The following MDGA2 variants were observed in gnomAD, a reference collection of about 807,000 sequenced individuals.
MDGA2 encodes MAM domain containing glycosylphosphatidylinositol anchor 2, also known as MAM domain-containing glycosylphosphatidylinositol anchor protein 2.
Under a neutral mutation model 117.8 loss-of-function variants are expected in MDGA2, and 40 were observed. The observed-to-expected ratio is 0.34, with a 90% CI of 0.26 to 0.44. The LOEUF is 0.44. MDGA2 is among the 20% of genes least tolerant of loss of function. MDGA2 has a pLI of 1.00. For synonymous variants in MDGA2, 452 were observed against 439.0 expected (o/e 1.03, Z -0.37); for missense variants, 1,123 against 1,250.6 (o/e 0.90, Z 1.54).
chr14:46,973,092 A>C (rs1886330180), intron 8 of MDGA2, among the ~76,000 whole-genome samples: 1 of 152,166 alleles, frequency 6.6e-6, no homozygotes, highest in Non-Finnish European at 1.5e-5. Flanking sequence ...TAGAATGCCC[A>C]AAATCTGGAA....
At chr14:47,322,510 C>A (rs905037033) in intron 1 of MDGA2, among the ~76,000 whole-genome samples, 1 of 152,044 alleles carries the variant, frequency 6.6e-6, no homozygotes, top group Non-Finnish European at 1.5e-5. Flanking sequence ...AACAATCTGA[C>A]GAGGAGATAC....
chr14:47,428,705 T>C (rs1290442454), intron 1 of MDGA2, among the ~76,000 whole-genome samples: 1 of 151,998 alleles, frequency 6.6e-6, no homozygotes, highest in Non-Finnish European at 1.5e-5. Flanking sequence ...TCCATACATA[T>C]ATACATATTT....
chr14:47,494,236 A>C lies in MDGA2; in HGVS notation c.280+180281T>G, dbSNP rs1227728432. ...CCAGTCTTGGAAAGATCTTTATAGC[A>C]GCATGAGATCAGACTAATACATTGT... On this transcript the variant is annotated intron_variant, in intron 1 of 16. Coordinates refer to ENST00000399232, the MANE Select transcript of MDGA2 (RefSeq NM_001113498.3). 7.2e-5 allele frequency among the ~76,000 whole-genome samples: 11 copies of C among 152,346 alleles called. No homozygotes were observed. In the South Asian group the frequency reaches 2.1e-3, roughly 29 times the overall value.
chr14:47,232,507 T>C (rs1232962206), intron 2 of MDGA2, among the ~76,000 whole-genome samples: 2 of 152,066 alleles, frequency 1.3e-5, no homozygotes, highest in African/African-American at 4.8e-5. Flanking sequence ...ATGAATTCTA[T>C]TGTCTGCAAT....
chr14:47,020,221 G>A (rs1349485856), intron 8 of MDGA2, among the ~76,000 whole-genome samples: 4 of 152,076 alleles, frequency 2.6e-5, no homozygotes, highest in African/African-American at 9.7e-5. Flanking sequence ...CTATGGATGA[G>A]CTAATTAAAA....
intron 1 of MDGA2, among the ~76,000 whole-genome samples, chr14:47,586,380 T>C (rs2138850113): frequency 6.6e-6 from 1 of 152,016 alleles, no homozygotes; most frequent in Non-Finnish European, 1.5e-5. Flanking sequence ...TCTAAAACTT[T>C]TTTTATTCAG....
At chr14:47,153,818 G>T (rs1269164122) in intron 3 of MDGA2, among the ~76,000 whole-genome samples, 1 of 151,964 alleles carries the variant, frequency 6.6e-6, no homozygotes, top group Non-Finnish European at 1.5e-5. Flanking sequence ...AAATAAAATA[G>T]CACTTCCACA....
intron 1 of MDGA2, among the ~76,000 whole-genome samples, chr14:47,508,759 A>C (rs549806754): frequency 2.6e-5 from 4 of 152,140 alleles, no homozygotes; most frequent in Non-Finnish European, 5.9e-5. Flanking sequence ...GGCTCACTGC[A>C]AGCTCCGCCT....
intron 1 of MDGA2, among the ~76,000 whole-genome samples, chr14:47,514,470 T>C (rs527713340): frequency 6.6e-6 from 1 of 152,294 alleles, no homozygotes; most frequent in South Asian, 2.1e-4. Flanking sequence ...ATGTCTCTAA[T>C]CTTTGTTTTA....
Position 47,037,763 on chromosome 14 carries a change from A to G in MDGA2, c.1526-2459T>C, listed in dbSNP as rs565298564. On this transcript the variant is annotated intron_variant, in intron 7 of 16. Transcript: ENST00000399232. ...ACTGCTTATAAGATATACCAACCTC[A>G]AAATAAATATCCAAATTTAGATAAA... is the stretch of plus-strand genomic sequence containing the variant. Among the ~76,000 whole-genome samples the G allele has an allele frequency of 4.6e-5, 7 of 152,368 alleles. No homozygotes were observed. In the East Asian group the frequency reaches 1.2e-3, roughly 25 times the overall value.
intron 1 of MDGA2, among the ~76,000 whole-genome samples, chr14:47,491,484 C>T (rs987196759): frequency 4.6e-5 from 7 of 151,986 alleles, no homozygotes; most frequent in Admixed American, 2.0e-4. Flanking sequence ...AATGCCTATA[C>T]GAAGGAAAGA....
chr14:47,109,816 C>T (rs998460627), intron 5 of MDGA2, among the ~76,000 whole-genome samples: 3 of 152,050 alleles, frequency 2.0e-5, no homozygotes, highest in Non-Finnish European at 4.4e-5. Flanking sequence ...TGTGGTGGCA[C>T]AGACCTGTAG....
At chr14:47,415,801 A>G (rs1892464091) in intron 1 of MDGA2, among the ~76,000 whole-genome samples, 2 of 152,124 alleles carry the variant, frequency 1.3e-5, no homozygotes, top group South Asian at 2.1e-4. Context: ...TCCAGGCTGC[A>G]GACTGCCGTC....
At chr14:47,174,306 C>A (rs1171544224) in intron 3 of MDGA2, among the ~76,000 whole-genome samples, 1 of 152,192 alleles carries the variant, frequency 6.6e-6, no homozygotes, top group Non-Finnish European at 1.5e-5. Context: ...ACCTAATAGA[C>A]ATCTGCAGAA....
intron 1 of MDGA2, among the ~76,000 whole-genome samples, chr14:47,411,368 G>A (rs557794227): frequency 6.6e-6 from 1 of 152,188 alleles, no homozygotes; most frequent in South Asian, 2.1e-4. Flanking sequence ...ATGTGGTGGG[G>A]TTTGAACATT....
intron 15 of MDGA2, among the ~76,000 whole-genome samples, chr14:46,850,165 A>G (rs1410487047): frequency 6.6e-6 from 1 of 151,878 alleles, no homozygotes; most frequent in African/African-American, 2.4e-5. Context: ...TAAAAAATTA[A>G]TGTGGATTTC....
chr14:47,395,043 T>G (rs949866414), intron 1 of MDGA2, among the ~76,000 whole-genome samples: 3 of 152,080 alleles, frequency 2.0e-5, no homozygotes, highest in Non-Finnish European at 4.4e-5. Context: ...TGGTCCCAGT[T>G]ACTCAGGAGG....
intron 1 of MDGA2, among the ~76,000 whole-genome samples, chr14:47,383,188 A>G (rs2138421431): frequency 6.6e-6 from 1 of 152,270 alleles, no homozygotes; most frequent in African/African-American, 2.4e-5. Flanking sequence ...GGATTATCAC[A>G]CACCGGAGCC....
chr14:47,126,355 A>ACTTTATC (rs1881902438), intron 5 of MDGA2, among the ~76,000 whole-genome samples: 1 of 152,092 alleles, frequency 6.6e-6, no homozygotes, highest in Non-Finnish European at 1.5e-5. Context: ...TAAATAAGTC[A>ACTTTATC]CTTTATCTTT....
Sources: gnomAD v4.1 joint callset for allele counts (sites outside exome capture counted in the v4.1 genomes callset) on GRCh38, gnomAD v4.1.1 for gene constraint, MANE v1.5 for transcripts, NCBI Gene and HGNC (gene_info 2026-07-23, HGNC 2026-07-21) for gene names.